The following RICTOR variants were observed in gnomAD, a reference collection of about 807,000 sequenced individuals.
RICTOR encodes the protein RPTOR independent companion of MTOR complex 2, also known as rapamycin-insensitive companion of mTOR.
Under a neutral mutation model 214.9 loss-of-function variants are expected in RICTOR, and 49 were observed. That is an observed-to-expected ratio of 0.23 (90% CI 0.18 to 0.29). The LOEUF is 0.29. RICTOR is among the 10% of genes least tolerant of loss of function. RICTOR has a pLI of 1.00. For synonymous variants in RICTOR, 717 were observed against 711.3 expected, an observed-to-expected ratio of 1.01 and a Z score of -0.13; for missense variants, 1,625 against 2,047.0, an observed-to-expected ratio of 0.79 and a Z score of 3.98.
intron 31 of RICTOR, among the ~76,000 whole-genome samples, chr5:38,948,134 T>G (rs1476637458): frequency 1.3e-5 from 2 of 152,130 alleles, no homozygotes; most frequent in Non-Finnish European, 2.9e-5. Flanking sequence ...GCAACAGACA[T>G]GCTAAAATAT....
intron 2 of RICTOR, among the ~76,000 whole-genome samples, chr5:39,053,046 TA>T (rs772853225): frequency 6.6e-6 from 1 of 152,234 alleles, no homozygotes; most frequent in South Asian, 2.1e-4. Context: ...TCCAATTGAT[TA>T]GATTACATCC....
At chr5:38,967,100 A>G (rs1750297534) in intron 14 of RICTOR, 61 bp downstream of exon 14, 2 of 1,298,762 alleles carry the variant, frequency 1.5e-6, no homozygotes, top group African/African-American at 1.5e-5. Context: ...CACACCTGGC[A>G]TGAAAGAATC....
At chr5:38,952,946 A>T (rs750935955) in intron 29 of RICTOR, 39 bp downstream of exon 29, 1 of 1,216,566 alleles carries the variant, frequency 8.2e-7, no homozygotes, top group South Asian at 1.3e-5. Flanking sequence ...GTGAATAACA[A>T]CGTCTACATT....
At chr5:38,995,018 G>A (rs1358621851) in intron 6 of RICTOR, among the ~76,000 whole-genome samples, 1 of 152,172 alleles carries the variant, frequency 6.6e-6, no homozygotes, top group Non-Finnish European at 1.5e-5. Context: ...TCCACCGCAT[G>A]TGTTATCAAA....
chr5:38,997,167 A>G (rs1168436593), intron 5 of RICTOR, among the ~76,000 whole-genome samples: 1 of 152,188 alleles, frequency 6.6e-6, no homozygotes, highest in Non-Finnish European at 1.5e-5. Context: ...TAATAAACAT[A>G]AAGTGTAAAA....
chr5:39,023,124 A>C (rs184933493), intron 2 of RICTOR, among the ~76,000 whole-genome samples: 2 of 152,264 alleles, frequency 1.3e-5, no homozygotes, highest in African/African-American at 4.8e-5. Flanking sequence ...AAAAACAAAC[A>C]AACAAAAAAG....
rs748046074 is a variant in RICTOR at position 38,962,572 on chromosome 5, A to G, written c.1581T>C (p.Ala527=). 1 of 1,544,312 alleles carries G rather than the reference A, an allele frequency of 6.5e-7. No homozygotes were observed. Among genetic ancestry groups the G allele is most frequent in the Non-Finnish European group, 8.8e-7 (1 of 1,131,874 alleles). Residue 527 remains alanine, a synonymous_variant, in exon 18 of 38, where the codon GCT becomes GCC. Transcript: ENST00000357387. The stretch of plus-strand genomic sequence containing the variant: ...GGCTATCTCTAAGGTTAATTAAAAG[A>G]GCTTCCTCTGTATCCTAAAATCATC... The part of the protein sequence containing the change: ...DIFILKDTEE[A]LLINLRDSQV...
chr5:39,046,207 AAAC>A (rs1757488462), intron 2 of RICTOR, among the ~76,000 whole-genome samples: 1 of 151,084 alleles, frequency 6.6e-6, no homozygotes, highest in South Asian at 2.1e-4. Context: ...GGGAAAAAAA[AAAC>A]AAAAACAGCT....
At chr5:38,968,281 T>C (rs995090198) in intron 11 of RICTOR, among the ~76,000 whole-genome samples, 1 of 152,156 alleles carries the variant, frequency 6.6e-6, no homozygotes, top group African/African-American at 2.4e-5. Flanking sequence ...AGGGCAATAT[T>C]ACTGAACTGT....
At chr5:39,020,896 A>G (rs1427055772) in intron 3 of RICTOR, 143 bp downstream of exon 3, 1 of 605,386 alleles carries the variant, frequency 1.7e-6, no homozygotes, top group Non-Finnish European at 3.0e-6. Flanking sequence ...TACACTGGAC[A>G]AAATCCATGA....
In RICTOR at chr5:38,967,106, G is replaced by T. The variant is rs1487102295; in HGVS notation, c.1218+55C>A. The T allele has an allele frequency of 5.2e-6, 7 of 1,346,750 alleles. No homozygotes were observed. In the Admixed American group the frequency reaches 1.0e-4, roughly 20 times the overall value. 83.4% of individuals were successfully genotyped at this position (1,346,750 alleles called of 1,614,324 possible). A position where few individuals can be genotyped will look rare whatever the true frequency, so the allele number is the denominator to read the frequency against. ...GTGAGTCACCACACCTGGCATGAAA[G>T]AATCTGTTAGAGAAAATAAACAAAA... On this transcript the variant is annotated intron_variant, in intron 14 of 37. Coordinates refer to ENST00000357387, the MANE Select transcript of RICTOR (RefSeq NM_152756.5).
chr5:38,997,699 A>G (rs1753279004), intron 5 of RICTOR, among the ~76,000 whole-genome samples: 1 of 152,204 alleles, frequency 6.6e-6, no homozygotes, highest in Non-Finnish European at 1.5e-5. Context: ...TAAAAGGGCA[A>G]TGAAGAATAA....
intron 6 of RICTOR, 35 bp downstream of exon 6, chr5:38,996,783 AT>A: frequency 7.4e-7 from 1 of 1,355,464 alleles, no homozygotes. Flanking sequence ...CATAAAAACC[AT>A]AAATTTGCCT....
At chr5:39,002,495 C>A in intron 5 of RICTOR, 40 bp downstream of exon 5, 3 of 1,484,960 alleles carry the variant, frequency 2.0e-6, no homozygotes, top group Non-Finnish European at 2.8e-6. Flanking sequence ...AAACTCAACA[C>A]AAAATTTCAA....
At position 38,961,860 on chromosome 5, in the gene RICTOR, G is replaced by A. The variant is rs527326781; in HGVS notation, c.1715+455C>T. ...TATGGGTGTAATGAAGAACAGCATC[G>A]TAGCTTAAAGTGTTCTTCATGCTAC... On this transcript the variant is annotated intron_variant, in intron 19 of 37. Transcript: ENST00000357387. Among the ~76,000 whole-genome samples the A allele has an allele frequency of 1.1e-4, 16 of 152,144 alleles. No homozygotes were observed. The South Asian group carries it at 3.3e-3, about 32-fold the overall frequency.
intron 11 of RICTOR, chr5:38,971,641 A>G (rs184672204): frequency 3.6e-6 from 1 of 280,260 alleles, no homozygotes; most frequent in Non-Finnish European, 6.6e-6. Flanking sequence ...TCGGCCTCCC[A>G]AAGTTCTGGG....
chr5:39,063,942 A>G (rs538170962), intron 2 of RICTOR, among the ~76,000 whole-genome samples: 237 of 152,322 alleles, frequency 1.6e-3, no homozygotes, highest in African/African-American at 5.5e-3. Context: ...TTAACAGGAT[A>G]TGTTTAAAGC....
rs1458580558 is a variant in RICTOR at position 38,946,554 on chromosome 5, TA to T, written c.4315-3del. 1.3e-5 allele frequency: 21 copies of T among 1,561,526 alleles called. No homozygotes were observed. Among genetic ancestry groups the T allele is most frequent in the Non-Finnish European group, 1.9e-5 (21 of 1,132,566 alleles). On this transcript the variant is annotated splice_region_variant and splice_polypyrimidine_tract_variant and intron_variant, in intron 32 of 37. Transcript: ENST00000357387. ...CTGAAAATAGGGAATATCCTTTACCTAAAAAAAGATATAAACCATGGTAAGT... is the reference window on the plus strand; with the variant it reads ...CTGAAAATAGGGAATATCCTTTACCTAAAAAAGATATAAACCATGGTAAGT...
intron 36 of RICTOR, chr5:38,944,234 C>G (rs1158119918): frequency 1.6e-6 from 1 of 630,200 alleles, no homozygotes; most frequent in East Asian, 3.2e-5. Context: ...TAGAAGATAG[C>G]TGGATTCTCA....
Sources: allele counts gnomAD v4.1 joint callset (sites outside exome capture counted in the v4.1 genomes callset), GRCh38; gene constraint gnomAD v4.1.1; transcripts MANE v1.5; gene names NCBI Gene and HGNC (gene_info 2026-07-23, HGNC 2026-07-21).